GALNTL6: variants seen among roughly 807,000 people sequenced by gnomAD.
The protein encoded by GALNTL6 is polypeptide N-acetylgalactosaminyltransferase-like 6.
Under a neutral mutation model 73.7 loss-of-function variants are expected in GALNTL6, and 46 were observed. That is an observed-to-expected ratio of 0.62 (90% CI 0.49 to 0.80). GALNTL6 has a LOEUF of 0.80. Ranked by LOEUF, GALNTL6 falls within the 30% of genes least tolerant of loss-of-function variation. GALNTL6 has a pLI of 0.00. For synonymous variants in GALNTL6, 259 were observed against 263.7 expected, an observed-to-expected ratio of 0.98 and a Z score of 0.17; for missense variants, 604 against 755.0, an observed-to-expected ratio of 0.80 and a Z score of 2.34.
intron 5 of GALNTL6, among the ~76,000 whole-genome samples, chr4:172,617,173 G>A (rs189109166): frequency 5.3e-4 from 81 of 151,872 alleles, no homozygotes; most frequent in African/African-American, 1.9e-3. Context: ...AAGGCATTTT[G>A]GGTGTAGGAT....
intron 2 of GALNTL6, among the ~76,000 whole-genome samples, chr4:172,065,161 G>T (rs1018545271): frequency 8.8e-6 from 1 of 113,402 alleles, no homozygotes; most frequent in African/African-American, 3.3e-5. Flanking sequence ...TTTTGATAGG[G>T]TTGGGGGTTA....
intron 2 of GALNTL6, among the ~76,000 whole-genome samples, chr4:171,988,734 A>G (rs192165700): frequency 1.3e-5 from 2 of 152,302 alleles, no homozygotes; most frequent in East Asian, 3.9e-4. Flanking sequence ...GTGAGTGATA[A>G]CAGGCTTTAA....
At chr4:172,940,559 C>T (rs1748864313) in intron 9 of GALNTL6, among the ~76,000 whole-genome samples, 1 of 151,910 alleles carries the variant, frequency 6.6e-6, no homozygotes. Context: ...GACGGGCTTT[C>T]ACCATGTTGG....
intron 5 of GALNTL6, among the ~76,000 whole-genome samples, chr4:172,611,451 A>C (rs1298623294): frequency 6.6e-6 from 1 of 152,104 alleles, no homozygotes; most frequent in Non-Finnish European, 1.5e-5. Context: ...GCTGGATATG[A>C]AATTCTTGGT....
chr4:172,220,702 C>CTT (rs1171103638), intron 2 of GALNTL6, among the ~76,000 whole-genome samples: 2 of 151,768 alleles, frequency 1.3e-5, no homozygotes, highest in Admixed American at 6.6e-5. Context: ...TGTTTTGAGT[C>CTT]TTTCAAATAC....
At chr4:171,921,412 T>G (rs971823852) in intron 2 of GALNTL6, among the ~76,000 whole-genome samples, 2 of 152,122 alleles carry the variant, frequency 1.3e-5, no homozygotes, top group African/African-American at 4.8e-5. Flanking sequence ...TGTGGGTAGA[T>G]AGAGGGATGG....
chr4:172,040,164 T>TA (rs35399241), intron 2 of GALNTL6, among the ~76,000 whole-genome samples: 81,147 of 151,712 alleles, frequency 0.53, 23,160 homozygotes, highest in East Asian at 0.68. Flanking sequence ...AAATGGAGAC[T>TA]AAAAATAGCA....
chr4:172,122,663 G>C (rs575199407), intron 2 of GALNTL6, among the ~76,000 whole-genome samples: 1 of 152,316 alleles, frequency 6.6e-6, no homozygotes, highest in East Asian at 1.9e-4. Context: ...CCCTAACTCA[G>C]TTATCTCCGG....
chr4:172,090,871 A>C (rs1351778161), intron 2 of GALNTL6, among the ~76,000 whole-genome samples: 1 of 152,134 alleles, frequency 6.6e-6, no homozygotes, highest in South Asian at 2.1e-4. Flanking sequence ...TAACTTTTGT[A>C]TAAAGTGTAA....
At chr4:172,937,772 G>A (rs1748697603) in intron 9 of GALNTL6, among the ~76,000 whole-genome samples, 1 of 151,996 alleles carries the variant, frequency 6.6e-6, no homozygotes, top group East Asian at 1.9e-4. Context: ...ATGAGAAAAG[G>A]GTTAAATGAA....
intron 5 of GALNTL6, among the ~76,000 whole-genome samples, chr4:172,409,710 G>A (rs377168370): frequency 1.1e-4 from 16 of 151,868 alleles, no homozygotes; most frequent in African/African-American, 3.4e-4. Context: ...TCCTGATGTT[G>A]GTATTTAATA....
intron 3 of GALNTL6, among the ~76,000 whole-genome samples, chr4:172,265,113 GCTGGTC>G (rs1455100487): frequency 6.6e-6 from 1 of 151,974 alleles, no homozygotes; most frequent in Non-Finnish European, 1.5e-5. Flanking sequence ...TAAGCACCTT[GCTGGTC>G]CTGAAAGGTG....
chr4:172,653,938 C>T (rs1380950704), intron 5 of GALNTL6, among the ~76,000 whole-genome samples: 2 of 152,158 alleles, frequency 1.3e-5, no homozygotes, highest in East Asian at 3.9e-4. Flanking sequence ...GCATAACTGT[C>T]CTGGTATTAT....
In GALNTL6 at chr4:172,809,889, C is replaced by G. The variant is rs1449771424; in HGVS notation, c.739+343C>G. Reference sequence around the variant, plus strand: ...CGTGTCCCAAAACTCTTTTATAATCCTGTAGCTACAGCAAGATTAAAATAC... The same window carrying G: ...CGTGTCCCAAAACTCTTTTATAATCGTGTAGCTACAGCAAGATTAAAATAC... On this transcript the variant is annotated intron_variant, in intron 6 of 12. Transcript: ENST00000506823. This position sits in a 1 kb window ranked among gnomAD's most constrained non-coding sequence, Gnocchi z 4.4. 6.7e-6 allele frequency among the ~76,000 whole-genome samples: 1 copy of G among 150,218 alleles called. No homozygotes were observed. The highest frequency in any genetic ancestry group is 1.5e-5 in the Non-Finnish European group (1 of 67,684).
intron 2 of GALNTL6, among the ~76,000 whole-genome samples, chr4:172,082,879 G>C (rs978658427): frequency 6.6e-6 from 1 of 151,796 alleles, no homozygotes; most frequent in African/African-American, 2.4e-5. Context: ...GGAGGGAGAG[G>C]GGTTTATTTT....
chr4:171,825,632 A>C (rs1734803844), intron 2 of GALNTL6, among the ~76,000 whole-genome samples: 1 of 152,188 alleles, frequency 6.6e-6, no homozygotes, highest in African/African-American at 2.4e-5. Flanking sequence ...CAGGGAAACC[A>C]ATAGATAGAG....
chr4:172,895,397 T>C (rs1746268386), intron 8 of GALNTL6, among the ~76,000 whole-genome samples: 1 of 149,068 alleles, frequency 6.7e-6, no homozygotes, highest in Non-Finnish European at 1.5e-5. Flanking sequence ...TATATATATA[T>C]ATATATTTTT....
intron 3 of GALNTL6, among the ~76,000 whole-genome samples, chr4:172,251,002 G>GGAT (rs1272153631): frequency 2.0e-5 from 3 of 152,010 alleles, no homozygotes; most frequent in African/African-American, 7.3e-5. Context: ...ATTGGGCCCA[G>GGAT]GATGATGTGA....
At chr4:172,625,143 A>AT (rs961321948) in intron 5 of GALNTL6, among the ~76,000 whole-genome samples, 12 of 152,028 alleles carry the variant, frequency 7.9e-5, no homozygotes, top group African/African-American at 1.9e-4. Context: ...TTATAGGGAC[A>AT]TAAAAAAAAC....
Sources: allele counts gnomAD v4.1 joint callset (sites outside exome capture counted in the v4.1 genomes callset), GRCh38; gene constraint gnomAD v4.1.1; non-coding constraint Gnocchi (gnomAD v3.1); transcripts MANE v1.5; gene names NCBI Gene and HGNC (gene_info 2026-07-23, HGNC 2026-07-21).